MYL10: variants seen among roughly 807,000 people sequenced by gnomAD.
The protein encoded by MYL10 is myosin regulatory light chain 10.
In MYL10, 18 loss-of-function variants were observed where a neutral mutation model predicts 21.9. The observed-to-expected ratio is 0.82, with a 90% CI of 0.57 to 1.22. The LOEUF is 1.22. Among genes scored for constraint, MYL10 ranks in the 50% most tolerant of loss-of-function variants. The pLI, the probability that MYL10 is intolerant of heterozygous loss-of-function variation, is 0.00. For synonymous variants in MYL10, 88 were observed against 82.8 expected (o/e 1.06, Z -0.34); for missense variants, 225 against 230.4 (o/e 0.98, Z 0.15).
intron 5 of MYL10, among the ~76,000 whole-genome samples, chr7:101,618,173 G>A (rs992542741): frequency 2.6e-5 from 4 of 152,228 alleles, no homozygotes; most frequent in Non-Finnish European, 5.9e-5. Flanking sequence ...AGAGGGCAGC[G>A]CCATGGACTG....
In MYL10 at chr7:101,613,497, G is replaced by A. The variant is rs1013529491; in HGVS notation, c.659C>T (p.Thr220Ile). 1 of 1,613,984 alleles carries A rather than the reference G, an allele frequency of 6.2e-7. No homozygotes were observed. The highest frequency in any genetic ancestry group is 1.3e-5 in the African/African-American group (1 of 74,922). ...LDYRNLCYVI[T>I]HGEEKD ...CCCCTAATCCTTCTCTTCACCGTGA[G>A]TGATGACGTAGCACAGGTTTCTGTA... The change falls in exon 8 of 8, where the codon ACT becomes ATT. Residue 220 changes from threonine to isoleucine, a missense_variant. Physicochemically the swap from Thr to Ile is moderately conservative, Grantham distance 89 (BLOSUM62 -1). Coordinates refer to ENST00000223167, the MANE Select transcript of MYL10 (RefSeq NM_138403.5).
At position 101,623,057 on chromosome 7, in the gene MYL10, C is replaced by A. The variant is rs750325328; in HGVS notation, c.289G>T (p.Asp97Tyr). ...TCGATGAAGCCATCACGGTTCTGGT[C>A]CATGATGGTGAAAGCCTGGCAGAGA... Reference protein sequence around the residue: ...ASASQAFTIMDQNRDGFIDKE... With the variant: ...ASASQAFTIMYQNRDGFIDKE... Residue 97 changes from aspartate (D) to tyrosine (Y), a missense_variant, in exon 4 of 8, where the codon GAC (aspartate) becomes TAC (tyrosine). Physicochemically the swap from Asp to Tyr is radical, Grantham distance 160. Transcript: ENST00000223167. 6.2e-7 allele frequency: 1 copy of A among 1,613,996 alleles called. No individual in the cohort carries two copies. Among genetic ancestry groups the A allele is most frequent in the Non-Finnish European group, 8.5e-7 (1 of 1,179,998 alleles).
At chr7:101,617,920 G>A (rs545489127) in intron 5 of MYL10, among the ~76,000 whole-genome samples, 2 of 151,242 alleles carry the variant, frequency 1.3e-5, no homozygotes, top group East Asian at 3.9e-4. Flanking sequence ...CCTCAGATTA[G>A]ATCAGGGCCT....
intron 6 of MYL10, among the ~76,000 whole-genome samples, chr7:101,615,595 T>C (rs959131487): frequency 5.0e-5 from 7 of 138,830 alleles, no homozygotes; most frequent in Middle Eastern, 6.9e-3. Context: ...AGAATGCTGT[T>C]CCCCCCCTAG....
chr7:101,616,386 G>C lies in MYL10; in HGVS notation c.455-88C>G, dbSNP rs1044424613. 2.9e-6 allele frequency: 3 copies of C among 1,046,814 alleles called. No homozygotes were observed. In the African/African-American group the frequency reaches 4.7e-5, roughly 16 times the overall value. 64.8% of individuals were successfully genotyped at this position (1,046,814 alleles called of 1,614,324 possible). A position where few individuals can be genotyped will look rare whatever the true frequency, so the allele number is the denominator to read the frequency against. On this transcript the variant is annotated intron_variant, in intron 5 of 7. Coordinates refer to ENST00000223167, the MANE Select transcript of MYL10 (RefSeq NM_138403.5). Reference sequence around the variant, plus strand: ...ACAAGGCTGGGCAGGGGCTGGGGCTGGGGGCAAGTCCCACGGCCCCTGCAC... The same window carrying C: ...ACAAGGCTGGGCAGGGGCTGGGGCTCGGGGCAAGTCCCACGGCCCCTGCAC...
chr7:101,628,486 G>C (rs1457396599), intron 1 of MYL10, among the ~76,000 whole-genome samples: 2 of 152,096 alleles, frequency 1.3e-5, no homozygotes, highest in Non-Finnish European at 2.9e-5. Context: ...AACTGGAGGT[G>C]ACTCTGATGA....
intron 5 of MYL10, among the ~76,000 whole-genome samples, chr7:101,621,503 G>A (rs1172477655): frequency 1.3e-5 from 2 of 152,116 alleles, no homozygotes; most frequent in African/African-American, 4.8e-5. Context: ...GGTAAAAGGA[G>A]CTCACAGGTA....
intron 4 of MYL10, 134 bp downstream of exon 4, chr7:101,622,863 G>A: frequency 1.4e-6 from 1 of 715,220 alleles, no homozygotes; most frequent in Non-Finnish European, 2.2e-6. Flanking sequence ...TTTCCAGACA[G>A]TGGCTGCCTT....
At chr7:101,613,800 G>A (rs1796578526) in intron 6 of MYL10, 90 bp from the exon 7 acceptor site, 2 of 1,241,028 alleles carry the variant, frequency 1.6e-6, no homozygotes, top group South Asian at 1.2e-5. Context: ...GCAAGTGGGG[G>A]CAGGGGGACA....
intron 2 of MYL10, 29 bp from the exon 3 acceptor site, chr7:101,624,050 T>C: frequency 1.5e-6 from 1 of 669,620 alleles, no homozygotes; most frequent in Non-Finnish European, 2.7e-6. Flanking sequence ...ATAATAATAA[T>C]AATAGTAATA....
chr7:101,615,620 A>C (rs1562822952), intron 6 of MYL10, among the ~76,000 whole-genome samples: 1 of 145,428 alleles, frequency 6.9e-6, no homozygotes, highest in Non-Finnish European at 1.5e-5. Flanking sequence ...GGCAACCTGC[A>C]GTCATTCTTC....
intron 5 of MYL10, 31 bp downstream of exon 5, chr7:101,622,065 G>A (rs1796685240): frequency 6.5e-7 from 1 of 1,546,722 alleles, no homozygotes; most frequent in Non-Finnish European, 8.9e-7. Flanking sequence ...ATTCCCTGCT[G>A]CCCCTCCAGG....
intron 6 of MYL10, 142 bp from the exon 7 acceptor site, chr7:101,613,852 G>GCC: frequency 1.3e-6 from 1 of 768,322 alleles, no homozygotes; most frequent in Non-Finnish European, 2.2e-6. Context: ...GACCCTGCCA[G>GCC]CCCCCCCGAT....
At chr7:101,621,993 T>C in intron 5 of MYL10, 103 bp downstream of exon 5, 1 of 863,570 alleles carries the variant, frequency 1.2e-6, no homozygotes. Context: ...GGCCACATCA[T>C]GCTCCCACCT....
intron 6 of MYL10, among the ~76,000 whole-genome samples, chr7:101,615,590 G>T (rs1258079666): frequency 8.3e-6 from 1 of 120,932 alleles, no homozygotes; most frequent in Non-Finnish European, 1.9e-5. Context: ...CATCTAGAAT[G>T]CTGTTCCCCC....
At chr7:101,625,068 T>G (rs907432933) in intron 1 of MYL10, among the ~76,000 whole-genome samples, 10 of 152,178 alleles carry the variant, frequency 6.6e-5, no homozygotes, top group African/African-American at 2.4e-4. Context: ...CTCTGATCTC[T>G]CCTATCCCCA....
chr7:101,623,994 G>A lies in MYL10; in HGVS notation c.199C>T (p.Arg67Cys), dbSNP rs909817618. 27 of 576,234 alleles carry A rather than the reference G, an allele frequency of 4.7e-5. 1 individual carries two copies. The highest frequency in any genetic ancestry group is 5.8e-5 in the Admixed American group (2 of 34,244). The allele number at this position is 576,234 out of a possible 1,614,324, so 35.7% of individuals were successfully genotyped here. ...CAGTGAGCCGAGATCATGCCATTGC[G>A]CTCCAGCCTGGGCGACAGAGCCAGA... ...ESLALSPRLE[R>C]NGMISAHCNL... The change falls in exon 3 of 8, where the codon CGC becomes TGC. Residue 67 changes from arginine (R) to cysteine (C), a missense_variant. Coordinates refer to ENST00000223167, the MANE Select transcript of MYL10 (RefSeq NM_138403.5).
At chr7:101,624,340 G>A (rs1269619305) in intron 1 of MYL10, 76 bp from the exon 2 acceptor site, 8 of 1,083,362 alleles carry the variant, frequency 7.4e-6, no homozygotes, top group Non-Finnish European at 1.1e-5. Context: ...TCACCTCCCA[G>A]GGCATCACGG....
At chr7:101,615,718 A>T (rs1193494879) in intron 6 of MYL10, among the ~76,000 whole-genome samples, 1 of 129,148 alleles carries the variant, frequency 7.7e-6, no homozygotes, top group Non-Finnish European at 1.6e-5. Flanking sequence ...TTTTTTTGAG[A>T]CAGTCTCACT....
Sources: allele counts gnomAD v4.1 joint callset (sites outside exome capture counted in the v4.1 genomes callset), GRCh38; gene constraint gnomAD v4.1.1; transcripts MANE v1.5; gene names NCBI Gene and HGNC (gene_info 2026-07-23, HGNC 2026-07-21).